Variants in TMTC1 observed in about 807,000 individuals in gnomAD.
TMTC1 encodes the protein transmembrane O-mannosyltransferase targeting cadherins 1.
TMTC1 carries 73 observed loss-of-function variants against 104.8 expected under a neutral mutation model. The ratio of observed to expected loss-of-function variants is 0.70; its 90% confidence interval spans 0.58 to 0.85. The LOEUF is 0.85. TMTC1 is among the 40% of genes least tolerant of loss of function. The pLI, the probability that TMTC1 is intolerant of heterozygous loss-of-function variation, is 0.00. For missense variants in TMTC1, 1,035 were observed against 1,096.1 expected (o/e 0.94, Z 0.79); for synonymous variants, 434 against 428.7 (o/e 1.01, Z -0.15).
intron 5 of TMTC1, among the ~76,000 whole-genome samples, chr12:29,670,248 G>A (rs1391897057): frequency 6.6e-6 from 1 of 152,200 alleles, no homozygotes; most frequent in African/African-American, 2.4e-5. Flanking sequence ...AAGAGTATTT[G>A]ATACTGGGAC....
At chr12:29,690,877 T>C (rs1941245882) in intron 5 of TMTC1, among the ~76,000 whole-genome samples, 1 of 152,242 alleles carries the variant, frequency 6.6e-6, no homozygotes, top group African/African-American at 2.4e-5. Flanking sequence ...GCAAAAATTA[T>C]AACTGAGGAA....
chr12:29,783,724 C>T lies in TMTC1; in HGVS notation c.28G>A (p.Gly10Ser), dbSNP rs757783318. 2.8e-4 allele frequency: 344 copies of T among 1,209,416 alleles called. 2 individuals are homozygous for T. Among genetic ancestry groups the T allele is most frequent in the Non-Finnish European group, 7.7e-5 (75 of 978,174 alleles). The allele number at this position is 1,209,416 out of a possible 1,614,324, so 74.9% of individuals were successfully genotyped here. The stretch of plus-strand genomic sequence containing the variant: ...CGGGAGGGTGTGCGGTCCCCGCCGC[C>T]GCCTCGGGCAGAGGTGGTCACCACC... MVVTTSARG[G>S]GGDRTPSRRR... The change falls in exon 1 of 18, where the codon GGC becomes AGC. Residue 10 changes from glycine to serine, a missense_variant. Transcript: ENST00000539277. The surrounding 1 kb of genome is among the most constrained non-coding windows in gnomAD (Gnocchi z 4.7).
rs185464014 is a variant in TMTC1 at position 29,660,959 on chromosome 12, C to T, written c.939-27623G>A. 5.9e-4 allele frequency: 471 copies of T among 804,834 alleles called. 1 individual carries two copies. Among genetic ancestry groups the T allele is most frequent in the Middle Eastern group, 2.5e-3 (10 of 4,040 alleles). The allele number at this position is 804,834 out of a possible 1,614,324, so 49.9% of individuals were successfully genotyped here. Reference sequence around the variant, plus strand: ...CAATGTTCTCCTTTCAAGGTGAAGACGCTGCAGCTCTGAAGAAGGCTGCAG... The same window carrying T: ...CAATGTTCTCCTTTCAAGGTGAAGATGCTGCAGCTCTGAAGAAGGCTGCAG... On this transcript the variant is annotated intron_variant, in intron 5 of 17. Coordinates refer to ENST00000539277, the MANE Select transcript of TMTC1 (RefSeq NM_001193451.2).
intron 5 of TMTC1, among the ~76,000 whole-genome samples, chr12:29,656,573 T>C (rs924558434): frequency 1.3e-5 from 2 of 151,964 alleles, no homozygotes; most frequent in East Asian, 1.9e-4. Context: ...CAGGCTGATA[T>C]TTTATATTTG....
intron 6 of TMTC1, among the ~76,000 whole-genome samples, chr12:29,628,170 G>A (rs1938100962): frequency 6.6e-6 from 1 of 152,244 alleles, no homozygotes; most frequent in African/African-American, 2.4e-5. Flanking sequence ...ACATAAATGT[G>A]CATGTTTTCT....
intron 8 of TMTC1, among the ~76,000 whole-genome samples, chr12:29,579,811 C>A (rs763200647): frequency 6.6e-6 from 1 of 152,168 alleles, no homozygotes; most frequent in Non-Finnish European, 1.5e-5. Context: ...ATATGCCTTG[C>A]AGCTATGATC....
chr12:29,660,612 A>T (rs901190643), intron 5 of TMTC1, among the ~76,000 whole-genome samples: 2 of 152,096 alleles, frequency 1.3e-5, no homozygotes, highest in Non-Finnish European at 2.9e-5. Context: ...ATATCCCTGG[A>T]ATGCTTTCAT....
At position 29,764,789 on chromosome 12, in the gene TMTC1, T is replaced by C. The variant is rs1943426652; in HGVS notation, c.480+3109A>G. On this transcript the variant is annotated intron_variant, in intron 2 of 17. Transcript: ENST00000539277. ...CTCTGTCCCTTTCACTGTGTTACTA[T>C]GGATTTTTTTCAATTAGTACAAAAG... 1.3e-5 allele frequency among the ~76,000 whole-genome samples: 2 copies of C among 152,196 alleles called. 1 individual carries two copies. The highest frequency in any genetic ancestry group is 4.1e-4 in the South Asian group (2 of 4,828).
At chr12:29,596,082 C>T (rs1946396724) in intron 7 of TMTC1, among the ~76,000 whole-genome samples, 1 of 152,120 alleles carries the variant, frequency 6.6e-6, no homozygotes, top group African/African-American at 2.4e-5. Flanking sequence ...TCTCAGCTCA[C>T]TGCAACCTCC....
In TMTC1 at chr12:29,737,615, T is replaced by C. The variant is rs74079996; in HGVS notation, c.938+14051A>G. Among the ~76,000 whole-genome samples the C allele has an allele frequency of 5.3e-3, 804 of 152,300 alleles. 13 individuals are homozygous for C. Among genetic ancestry groups the C allele is most frequent in the African/African-American group, 0.017 (713 of 41,564 alleles). On this transcript the variant is annotated intron_variant, in intron 5 of 17. Coordinates refer to ENST00000539277, the MANE Select transcript of TMTC1 (RefSeq NM_001193451.2). ...TGCTCCCAGGAGACTTCTGCCTTTC[T>C]CAACAGTTCTTTCTAGAAGTTGCTC...
At chr12:29,649,095 C>T (rs1490142610) in intron 5 of TMTC1, among the ~76,000 whole-genome samples, 4 of 152,140 alleles carry the variant, frequency 2.6e-5, no homozygotes, top group Non-Finnish European at 1.5e-5. Context: ...AACCCCACCA[C>T]TCTCCCCTTG....
intron 5 of TMTC1, among the ~76,000 whole-genome samples, chr12:29,687,878 C>T (rs1591926916): frequency 6.6e-6 from 1 of 152,176 alleles, no homozygotes; most frequent in Admixed American, 6.5e-5. Flanking sequence ...TAGCAGGACA[C>T]CAGTCATATT....
chr12:29,582,542 G>C (rs1474088418), intron 8 of TMTC1, among the ~76,000 whole-genome samples: 1 of 152,208 alleles, frequency 6.6e-6, no homozygotes, highest in Non-Finnish European at 1.5e-5. Flanking sequence ...TTGTTTCTGA[G>C]AGGGTGCTCA....
rs544162644 is a variant in TMTC1, at chr12:29,514,337, G to T, written c.2430+145C>A. ...AATGATAAAAAATAAACAAAACTTC[G>T]TCAATTAGTTAAAAAAAACTCACTC... On this transcript the variant is annotated intron_variant, in intron 16 of 17. Coordinates refer to ENST00000539277, the MANE Select transcript of TMTC1 (RefSeq NM_001193451.2). 3 of 731,494 alleles carry T rather than the reference G, an allele frequency of 4.1e-6. No individual in the cohort carries two copies. The East Asian group carries it at 8.7e-5, about 21-fold the overall frequency. The allele number at this position is 731,494 out of a possible 1,614,324, so 45.3% of individuals were successfully genotyped here.
intron 5 of TMTC1, among the ~76,000 whole-genome samples, chr12:29,671,514 C>G (rs528294992): frequency 7.2e-5 from 11 of 152,126 alleles, no homozygotes; most frequent in Non-Finnish European, 1.3e-4. Context: ...GTATTGAGTG[C>G]ATACTGTGCG....
chr12:29,705,871 G>A (rs1475783683), intron 5 of TMTC1, among the ~76,000 whole-genome samples: 1 of 151,982 alleles, frequency 6.6e-6, no homozygotes, highest in Non-Finnish European at 1.5e-5. Context: ...TGGGCAGAAT[G>A]AGCCCCAAAT....
chr12:29,516,503 A>G lies in TMTC1; in HGVS notation c.2170-17T>C, dbSNP rs774768810. 1 of 1,609,396 alleles carries G rather than the reference A, an allele frequency of 6.2e-7. No homozygotes were observed. Among genetic ancestry groups the G allele is most frequent in the Non-Finnish European group, 8.5e-7 (1 of 1,177,080 alleles). On this transcript the variant is annotated splice_polypyrimidine_tract_variant and intron_variant, in intron 14 of 17. Coordinates refer to ENST00000539277, the MANE Select transcript of TMTC1 (RefSeq NM_001193451.2). ...AACCTGAGCCTACAAAACCACATGG[A>G]CCTTGGCTTAGCAGAGACTTCATTA... is the stretch of plus-strand genomic sequence containing the variant.
rs527276467 is a variant in TMTC1, at chr12:29,606,834, G to A, written c.1129-2535C>T. On this transcript the variant is annotated intron_variant, in intron 6 of 17. Transcript: ENST00000539277. ...CATCACACGTTCTTACCCTTCCAAC[G>A]CACCTTCCTCACTACGGTGGGTGTT... is the stretch of plus-strand genomic sequence containing the variant. Among the ~76,000 whole-genome samples, 5 of 151,842 alleles carry A rather than the reference G, an allele frequency of 3.3e-5. 1 individual carries two copies. The highest frequency in any genetic ancestry group is 1.2e-4 in the African/African-American group (5 of 41,388).
At chr12:29,757,434 T>G (rs563163458) in intron 3 of TMTC1, among the ~76,000 whole-genome samples, 17 of 152,278 alleles carry the variant, frequency 1.1e-4, no homozygotes, top group African/African-American at 4.1e-4. Flanking sequence ...TTGCCAAATG[T>G]CTCCTGCAGG....
Sources: allele counts gnomAD v4.1 joint callset (sites outside exome capture counted in the v4.1 genomes callset), GRCh38; gene constraint gnomAD v4.1.1; non-coding constraint Gnocchi (gnomAD v3.1); transcripts MANE v1.5; gene names NCBI Gene and HGNC (gene_info 2026-07-23, HGNC 2026-07-21).